The following HACD4 variants were observed in gnomAD, a reference collection of about 807,000 sequenced individuals.
HACD4 encodes very-long-chain (3R)-3-hydroxyacyl-CoA dehydratase 4.
HACD4 carries 35 observed loss-of-function variants against 33.3 expected under a neutral mutation model. The ratio of observed to expected loss-of-function variants is 1.05; its 90% CI spans 0.80 to 1.39. The LOEUF is 1.39. Among genes scored for constraint, HACD4 ranks in the 40% most tolerant of loss-of-function variants. The pLI, the probability that HACD4 is intolerant of heterozygous loss-of-function variation, is 0.00. For synonymous variants in HACD4, 118 were observed against 98.0 expected, an observed-to-expected ratio of 1.20 and a Z score of -1.21; for missense variants, 323 against 276.5, an observed-to-expected ratio of 1.17 and a Z score of -1.19.
chr9:21,031,615 G>C lies in HACD4; in HGVS notation c.-25C>G, dbSNP rs1818227700. 3 of 1,413,022 alleles carry C rather than the reference G, an allele frequency of 2.1e-6. No individual in the cohort carries two copies. Among genetic ancestry groups the C allele is most frequent in the Non-Finnish European group, 2.8e-6 (3 of 1,089,906 alleles). 87.5% of individuals were successfully genotyped at this position (1,413,022 alleles called of 1,614,324 possible). A position where few individuals can be genotyped will look rare whatever the true frequency, so the allele number is the denominator to read the frequency against. Reference sequence around the variant, plus strand: ...TGGGCCGCCGCCGCCAGGGCTTCCAGCGCGGTCCAGGAAGGAGTACCGGGG... The same window carrying C: ...TGGGCCGCCGCCGCCAGGGCTTCCACCGCGGTCCAGGAAGGAGTACCGGGG... On this transcript the variant is annotated 5_prime_UTR_variant, in exon 1 of 7. Coordinates refer to ENST00000495827, the MANE Select transcript of HACD4 (RefSeq NM_001010915.5).
chr9:21,002,187 C>T lies in HACD4; in HGVS notation c.*4850G>A, dbSNP rs1368406035. On this transcript the variant is annotated 3_prime_UTR_variant, in exon 7 of 7. Coordinates refer to ENST00000495827, the MANE Select transcript of HACD4 (RefSeq NM_001010915.5). Reference sequence around the variant, plus strand: ...ATTACCTTCCGGATATTAAATGTCACCCTATGGTAACCACAAAGAAAACAG... The same window carrying T: ...ATTACCTTCCGGATATTAAATGTCATCCTATGGTAACCACAAAGAAAACAG... The T allele has an allele frequency of 6.6e-6, 1 of 151,964 alleles. No homozygotes were observed. Among genetic ancestry groups the T allele is most frequent in the Non-Finnish European group, 1.5e-5 (1 of 67,960 alleles). The allele number at this position is 151,964 out of a possible 1,614,324, so 9.4% of individuals were successfully genotyped here.
At chr9:21,011,480 G>A in intron 5 of HACD4, 109 bp downstream of exon 5, 1 of 707,868 alleles carries the variant, frequency 1.4e-6, no homozygotes, top group African/African-American at 1.8e-5. Context: ...TACACTGAGT[G>A]AGCTAAGCAT....
At chr9:21,031,524 T>A in intron 1 of HACD4, 29 bp downstream of exon 1, 1 of 1,453,852 alleles carries the variant, frequency 6.9e-7, no homozygotes, top group South Asian at 1.3e-5. Context: ...CCGCGCCCCC[T>A]CCCCTCGGGA....
chr9:21,008,252 G>A (rs759543598), intron 5 of HACD4, 106 bp from the exon 6 acceptor site: 238 of 1,005,756 alleles, frequency 2.4e-4, no homozygotes, highest in Non-Finnish European at 3.3e-4. Context: ...GATAATGACA[G>A]TTTTGTAATA....
rs1374080985 is a variant in HACD4 at position 21,029,456 on chromosome 9, G to T, written c.39-58C>A. ...CTTTTATAATCATCCTTTCATCACT[G>T]TACACATGCCCTTTAATGTACTGGC... On this transcript the variant is annotated intron_variant, in intron 1 of 6. Coordinates refer to ENST00000495827, the MANE Select transcript of HACD4 (RefSeq NM_001010915.5). 10 of 1,083,328 alleles carry T rather than the reference G, an allele frequency of 9.2e-6. No homozygotes were observed. The Admixed American group carries it at 2.2e-4, about 24-fold the overall frequency. 67.1% of individuals were successfully genotyped at this position (1,083,328 alleles called of 1,614,324 possible).
chr9:21,010,322 TAA>T (rs1842382063), intron 5 of HACD4, among the ~76,000 whole-genome samples: 1 of 152,136 alleles, frequency 6.6e-6, no homozygotes, highest in Admixed American at 6.5e-5. Flanking sequence ...GATTTGATCT[TAA>T]GTTTTAGGTT....
At chr9:21,025,970 C>A (rs1818050648) in intron 3 of HACD4, among the ~76,000 whole-genome samples, 1 of 152,182 alleles carries the variant, frequency 6.6e-6, no homozygotes, top group South Asian at 2.1e-4. Context: ...CAAAGTAGAA[C>A]TGGGATTTGA....
At chr9:21,023,639 ATCTCTGC>A (rs1403361366) in intron 3 of HACD4, among the ~76,000 whole-genome samples, 2 of 143,250 alleles carry the variant, frequency 1.4e-5, no homozygotes, top group Admixed American at 1.5e-4. Context: ...CAGTGGCCTG[ATCTCTGC>A]TCACTGTAAT....
rs188004104 is a variant in HACD4 at position 21,004,345 on chromosome 9, C to T, written c.*2692G>A. 1.4e-4 allele frequency: 22 copies of T among 152,272 alleles called. No homozygotes were observed. The highest frequency in any genetic ancestry group is 1.0e-3 in the Admixed American group (16 of 15,288). The allele number at this position is 152,272 out of a possible 1,614,324, so 9.4% of individuals were successfully genotyped here. A position where few individuals can be genotyped will look rare whatever the true frequency, so the allele number is the denominator to read the frequency against. Reference sequence around the variant, plus strand: ...AAGGCATCAAAGCCCAAATAACTTACAAGATGTTAACAAATACATGACATT... The same window carrying T: ...AAGGCATCAAAGCCCAAATAACTTATAAGATGTTAACAAATACATGACATT... On this transcript the variant is annotated 3_prime_UTR_variant, in exon 7 of 7. Transcript: ENST00000495827. The surrounding 1 kb of genome is among the most constrained non-coding windows in gnomAD (Gnocchi z 4.6).
chr9:21,022,272 C>G (rs1348237278), intron 3 of HACD4, among the ~76,000 whole-genome samples: 1 of 152,080 alleles, frequency 6.6e-6, no homozygotes, highest in Non-Finnish European at 1.5e-5. Context: ...CCATAAAAAC[C>G]CTAGAAGAAC....
chr9:21,022,901 A>G lies in HACD4; in HGVS notation c.270+3695T>C, dbSNP rs369137907. On this transcript the variant is annotated intron_variant, in intron 3 of 6. Transcript: ENST00000495827. The stretch of plus-strand genomic sequence containing the variant: ...CCAAAGGACTATAAATCATGCTGCT[A>G]TAAAGACACATGCACACGTATGTTT... 5.6e-3 allele frequency among the ~76,000 whole-genome samples: 855 copies of G among 152,052 alleles called. 50 individuals are homozygous for G. In the East Asian group the frequency reaches 0.15, roughly 26 times the overall value.
intron 3 of HACD4, among the ~76,000 whole-genome samples, chr9:21,017,189 A>G (rs1165284282): frequency 1.3e-5 from 2 of 152,170 alleles, no homozygotes; most frequent in Non-Finnish European, 2.9e-5. Flanking sequence ...TGGCATTTAT[A>G]GGCTGCTAGT....
At chr9:21,009,868 G>T (rs1842369840) in intron 5 of HACD4, among the ~76,000 whole-genome samples, 1 of 152,146 alleles carries the variant, frequency 6.6e-6, no homozygotes, top group Non-Finnish European at 1.5e-5. Flanking sequence ...ATATTTCAAT[G>T]AGAGGTTACT....
At chr9:21,019,709 A>T in intron 3 of HACD4, among the ~76,000 whole-genome samples, 1 of 152,108 alleles carries the variant, frequency 6.6e-6, no homozygotes, top group East Asian at 1.9e-4. Flanking sequence ...AATCTTACCT[A>T]CAGAGTGAAT....
At chr9:21,013,104 G>A (rs545849568) in intron 4 of HACD4, among the ~76,000 whole-genome samples, 3 of 150,688 alleles carry the variant, frequency 2.0e-5, no homozygotes, top group East Asian at 1.9e-4. Flanking sequence ...TTTTGATGAA[G>A]TCCAATTTAT....
rs1325692384 is a variant in HACD4, at chr9:20,999,986, G to T, written c.*7051C>A. 6.6e-6 allele frequency: 1 copy of T among 152,086 alleles called. No homozygotes were observed. Among genetic ancestry groups the T allele is most frequent in the Non-Finnish European group, 1.5e-5 (1 of 67,982 alleles). 9.4% of individuals were successfully genotyped at this position (152,086 alleles called of 1,614,324 possible). A position where few individuals can be genotyped will look rare whatever the true frequency, so the allele number is the denominator to read the frequency against. On this transcript the variant is annotated 3_prime_UTR_variant, in exon 7 of 7. Coordinates refer to ENST00000495827, the MANE Select transcript of HACD4 (RefSeq NM_001010915.5). ...CTTCATAATAACTTTAAGTGGTTAA[G>T]GAAACTGGAACTCAAAGAGTCATTC...
intron 2 of HACD4, 35 bp from the exon 3 acceptor site, chr9:21,026,758 AG>A (rs1437232870): frequency 6.3e-7 from 1 of 1,591,270 alleles, no homozygotes; most frequent in Non-Finnish European, 8.6e-7. Flanking sequence ...AGATATAGGA[AG>A]AAAAAACTGG....
intron 3 of HACD4, among the ~76,000 whole-genome samples, 170 bp from the exon 4 acceptor site, chr9:21,016,180 C>G (rs2132781450): frequency 6.6e-6 from 1 of 152,306 alleles, no homozygotes; most frequent in Middle Eastern, 3.4e-3. Context: ...GGCTGAATTT[C>G]AGTTCCTCAT....
chr9:21,012,497 G>T (rs1027022256), intron 4 of HACD4, among the ~76,000 whole-genome samples: 2 of 152,136 alleles, frequency 1.3e-5, no homozygotes, highest in Admixed American at 1.3e-4. Context: ...AAACATGAAT[G>T]GGGAAGAGTA....
Sources: gnomAD v4.1 joint callset for allele counts (sites outside exome capture counted in the v4.1 genomes callset) on GRCh38, gnomAD v4.1.1 for gene constraint, Gnocchi (gnomAD v3.1) non-coding constraint, MANE v1.5 for transcripts, NCBI Gene and HGNC (gene_info 2026-07-23, HGNC 2026-07-21) for gene names.